CSRP3: variants seen among roughly 807,000 people sequenced by gnomAD.
CSRP3 encodes the protein cysteine and glycine-rich protein 3.
Under a neutral mutation model 24.3 loss-of-function variants are expected in CSRP3, and 24 were observed. That is an observed-to-expected ratio of 0.99 (90% confidence interval 0.71 to 1.39). The LOEUF (loss-of-function observed/expected upper bound fraction) is 1.39, where lower values mean the gene tolerates loss of function less well. Ranked by LOEUF, CSRP3 falls within the 40% of genes most tolerant of loss-of-function variation. CSRP3 has a pLI of 0.00. For synonymous variants in CSRP3, 105 were observed against 94.0 expected, an observed-to-expected ratio of 1.12 and a Z score of -0.68; for missense variants, 240 against 249.0, an observed-to-expected ratio of 0.96 and a Z score of 0.24.
At chr11:19,198,306 G>C (rs1237727097) in intron 1 of CSRP3, among the ~76,000 whole-genome samples, 1 of 152,144 alleles carries the variant, frequency 6.6e-6, no homozygotes, top group East Asian at 1.9e-4. Flanking sequence ...AGAGGACAAG[G>C]GTCAGCACCT....
intron 1 of CSRP3, among the ~76,000 whole-genome samples, chr11:19,194,004 A>G (rs1435977790): frequency 1.3e-5 from 2 of 152,162 alleles, no homozygotes; most frequent in Non-Finnish European, 2.9e-5. Context: ...GTTTCTAAGA[A>G]GCCTAGTGTG....
At position 19,188,133 on chromosome 11, in the gene CSRP3, C is replaced by CA; in HGVS notation, c.281+2dup. 1 of 1,614,172 alleles carries CA rather than the reference C, an allele frequency of 6.2e-7. No homozygotes were observed. Among genetic ancestry groups the CA allele is most frequent in the Non-Finnish European group, 8.5e-7 (1 of 1,180,014 alleles). ...GGCAAGGGGGAGCAGGGCAGTAACT[C>CA]ACTGTTGGAACTGCAGGCCGAGATG... On this transcript the variant is annotated splice_region_variant and intron_variant, in intron 3 of 5. Coordinates refer to ENST00000265968, the MANE Select transcript of CSRP3 (RefSeq NM_003476.5).
intron 2 of CSRP3, 130 bp downstream of exon 2, chr11:19,192,207 G>A (rs1850626571): frequency 1.4e-6 from 1 of 729,382 alleles, no homozygotes; most frequent in African/African-American, 1.7e-5. Context: ...CCAGTTCCCA[G>A]GTAATGCTGA....
At chr11:19,196,325 G>A (rs562496384) in intron 1 of CSRP3, among the ~76,000 whole-genome samples, 77 of 152,248 alleles carry the variant, frequency 5.1e-4, no homozygotes, top group Middle Eastern at 3.4e-3. Context: ...TTCTAATCTC[G>A]ACCTTGAACT....
intron 1 of CSRP3, among the ~76,000 whole-genome samples, chr11:19,201,565 T>C (rs1343822528): frequency 6.6e-6 from 1 of 152,258 alleles, no homozygotes; most frequent in Non-Finnish European, 1.5e-5. Context: ...TCAAAGTCTG[T>C]CATCCATGAA....
intron 2 of CSRP3, among the ~76,000 whole-genome samples, chr11:19,188,659 C>T (rs545571608): frequency 9.1e-4 from 125 of 137,276 alleles, no homozygotes; most frequent in East Asian, 1.0e-3. Flanking sequence ...TGTTTGTGGG[C>T]GCGCGCGTTG....
chr11:19,184,812 C>T, intron 5 of CSRP3, 140 bp downstream of exon 5: 1 of 737,220 alleles, frequency 1.4e-6, no homozygotes, highest in Non-Finnish European at 2.5e-6. Context: ...GGTTTTGCTC[C>T]TGAGAACCCA....
chr11:19,184,979 C>G lies in CSRP3; in HGVS notation c.481G>C (p.Asp161His), dbSNP rs138254181. ...GKSLESTNVT[D>H]KDGELYCKVC... ...TTGCAATAAAGTTCCCCATCTTTGT[C>G]AGTGACATTTGTGGACTCCAGACTC... is the stretch of plus-strand genomic sequence containing the variant. Residue 161 changes from aspartate (D) to histidine (H), a missense_variant, in exon 5 of 6, where the codon GAC (aspartate) becomes CAC (histidine). By Grantham distance (81) the Asp-to-His change is moderately conservative. Coordinates refer to ENST00000265968, the MANE Select transcript of CSRP3 (RefSeq NM_003476.5). 1 of 1,613,944 alleles carries G rather than the reference C, an allele frequency of 6.2e-7. No individual in the cohort carries two copies. The highest frequency in any genetic ancestry group is 1.3e-5 in the African/African-American group (1 of 74,936).
At chr11:19,188,686 G>A (rs1256748546) in intron 2 of CSRP3, among the ~76,000 whole-genome samples, 3 of 151,656 alleles carry the variant, frequency 2.0e-5, no homozygotes, top group Non-Finnish European at 4.4e-5. Context: ...GGTGGGTTAA[G>A]GCAGGAGAGA....
chr11:19,188,265 G>A lies in CSRP3; in HGVS notation c.152C>T (p.Ala51Val), dbSNP rs397516853. The change falls in exon 3 of 6, where the codon GCT becomes GTT. Residue 51 changes from alanine to valine, a missense_variant. Physicochemically the swap from Ala to Val is moderately conservative, Grantham distance 64. Coordinates refer to ENST00000265968, the MANE Select transcript of CSRP3 (RefSeq NM_003476.5). The part of the protein sequence containing the change: ...RKALDSTTVA[A>V]HESEIYCKVC... ...CTTGCAGTAGATCTCCGACTCATGA[G>A]CCGCGACTGTCGTGCTGTCAAGAGC... The A allele has an allele frequency of 1.2e-6, 2 of 1,612,866 alleles. No homozygotes were observed. Among genetic ancestry groups the A allele is most frequent in the Admixed American group, 3.3e-5 (2 of 60,024 alleles).
At chr11:19,190,000 C>A (rs1850589682) in intron 2 of CSRP3, among the ~76,000 whole-genome samples, 1 of 152,200 alleles carries the variant, frequency 6.6e-6, no homozygotes. Context: ...ACTCTGAGTT[C>A]CTTGAGGGCA....
At chr11:19,187,027 G>A (rs973853386) in intron 3 of CSRP3, among the ~76,000 whole-genome samples, 2 of 152,208 alleles carry the variant, frequency 1.3e-5, no homozygotes, top group Non-Finnish European at 2.9e-5. Context: ...GGATCAGAGT[G>A]TGACTGCCCA....
Position 19,188,186 on chromosome 11 carries a change from A to G in CSRP3, c.231T>C (p.Ala77=), listed in dbSNP as rs1047686575. 2 of 1,614,056 alleles carry G rather than the reference A, an allele frequency of 1.2e-6. No homozygotes were observed. Among genetic ancestry groups the G allele is most frequent in the Non-Finnish European group, 1.7e-6 (2 of 1,180,032 alleles). The change falls in exon 3 of 6, where the codon GCT becomes GCC. Residue 77 remains alanine, a synonymous_variant. Coordinates refer to ENST00000265968, the MANE Select transcript of CSRP3 (RefSeq NM_003476.5). ...CGCCCGTGTCTGTGCTGAGACAGCC[A>G]GCGCCTTGTCCATACCCGATCCCTT... ...GPKGIGYGQG[A]GCLSTDTGEH...
chr11:19,193,775 A>G (rs1343283523), intron 1 of CSRP3, among the ~76,000 whole-genome samples: 2 of 152,212 alleles, frequency 1.3e-5, no homozygotes, highest in Non-Finnish European at 2.9e-5. Context: ...CCAAGATTGT[A>G]CCACTGCACT....
Position 19,182,383 on chromosome 11 carries a change from C to T in CSRP3, c.*287G>A. The T allele has an allele frequency of 2.5e-6, 1 of 394,498 alleles. No individual in the cohort carries two copies. The highest frequency in any genetic ancestry group is 4.6e-5 in the South Asian group (1 of 21,798). The allele number at this position is 394,498 out of a possible 1,614,324, so 24.4% of individuals were successfully genotyped here. A position where few individuals can be genotyped will look rare whatever the true frequency, so the allele number is the denominator to read the frequency against. Reference sequence around the variant, plus strand: ...GCTTTATGTTTTTGAAAATTTCTATCTCAAAGAAAAGATCTAGAGCCATAC... The same window carrying T: ...GCTTTATGTTTTTGAAAATTTCTATTTCAAAGAAAAGATCTAGAGCCATAC... On this transcript the variant is annotated 3_prime_UTR_variant, in exon 6 of 6. Coordinates refer to ENST00000265968, the MANE Select transcript of CSRP3 (RefSeq NM_003476.5).
At chr11:19,189,465 C>T (rs1288469467) in intron 2 of CSRP3, among the ~76,000 whole-genome samples, 2 of 152,052 alleles carry the variant, frequency 1.3e-5, no homozygotes, top group East Asian at 1.9e-4. Context: ...GATAATATCC[C>T]CAGGAATAAT....
In CSRP3 at chr11:19,183,166, A is replaced by AAAAT. The variant is rs1554967301; in HGVS notation, c.509-421_509-420insATTT. Among the ~76,000 whole-genome samples, 1,407 of 149,864 alleles carry AAAAT rather than the reference A, an allele frequency of 9.4e-3. 24 individuals carry two copies. Among genetic ancestry groups the AAAAT allele is most frequent in the African/African-American group, 0.034 (1,352 of 39,696 alleles). ...GAGCAAGACTCCGTCTCAAGAATAA[A>AAAAT]AATAATAAAAAGGTTTATGCATGAG... On this transcript the variant is annotated intron_variant, in intron 5 of 5. Coordinates refer to ENST00000265968, the MANE Select transcript of CSRP3 (RefSeq NM_003476.5).
At chr11:19,186,999 C>T (rs1297451497) in intron 3 of CSRP3, among the ~76,000 whole-genome samples, 1 of 152,166 alleles carries the variant, frequency 6.6e-6, no homozygotes, top group Non-Finnish European at 1.5e-5. Flanking sequence ...GTAGGCAGGG[C>T]TGGTTGGAGG....
At chr11:19,183,862 G>A (rs1850479775) in intron 5 of CSRP3, among the ~76,000 whole-genome samples, 1 of 152,102 alleles carries the variant, frequency 6.6e-6, no homozygotes, top group Non-Finnish European at 1.5e-5. Flanking sequence ...GGACCCAGCG[G>A]GAGATAATTG....
Sources: gnomAD v4.1 joint callset for allele counts (sites outside exome capture counted in the v4.1 genomes callset) on GRCh38, gnomAD v4.1.1 for gene constraint, MANE v1.5 for transcripts, NCBI Gene and HGNC (gene_info 2026-07-23, HGNC 2026-07-21) for gene names.